TENM4: variants seen among roughly 807,000 people sequenced by gnomAD.
TENM4 encodes teneurin transmembrane protein 4.
TENM4 carries 82 observed loss-of-function variants against 243.3 expected under a neutral mutation model. The observed-to-expected ratio is 0.34, with a 90% confidence interval of 0.28 to 0.40. TENM4 has a LOEUF of 0.40. Among genes scored for constraint, TENM4 ranks in the 10% least tolerant of loss-of-function variants. TENM4 has a pLI of 1.00. For missense variants in TENM4, 3,138 were observed against 3,673.3 expected, an observed-to-expected ratio of 0.85 and a Z score of 3.77; for synonymous variants, 1,412 against 1,456.3, an observed-to-expected ratio of 0.97 and a Z score of 0.69.
intron 6 of TENM4, among the ~76,000 whole-genome samples, chr11:78,935,549 A>G (rs1856766064): frequency 6.6e-6 from 1 of 152,214 alleles, no homozygotes; most frequent in Admixed American, 6.5e-5. Flanking sequence ...TTAACTATAC[A>G]GTTCCCACAG....
intron 2 of TENM4, among the ~76,000 whole-genome samples, chr11:79,243,830 C>G (rs961782156): frequency 3.3e-5 from 5 of 152,234 alleles, no homozygotes; most frequent in African/African-American, 1.2e-4. Flanking sequence ...AACTGAGAGG[C>G]AGAGCAAGGA....
At chr11:79,423,031 C>A (rs1299588221) in intron 1 of TENM4, among the ~76,000 whole-genome samples, 1 of 152,186 alleles carries the variant, frequency 6.6e-6, no homozygotes, top group Admixed American at 6.5e-5. Context: ...GATGCCGGAC[C>A]CAATCCCAAA....
At chr11:79,175,458 G>C (rs371011508) in intron 3 of TENM4, among the ~76,000 whole-genome samples, 1 of 152,174 alleles carries the variant, frequency 6.6e-6, no homozygotes, top group Non-Finnish European at 1.5e-5. Context: ...CTAACAGCTA[G>C]AGAAATGGGA....
intron 6 of TENM4, among the ~76,000 whole-genome samples, chr11:78,933,860 C>T (rs1856724355): frequency 6.6e-6 from 1 of 152,146 alleles, no homozygotes; most frequent in Non-Finnish European, 1.5e-5. Flanking sequence ...CCTCTCTCCC[C>T]TTCTGTGCTT....
At chr11:79,052,414 A>G (rs1176671219) in intron 6 of TENM4, among the ~76,000 whole-genome samples, 8 of 152,326 alleles carry the variant, frequency 5.3e-5, no homozygotes, top group Non-Finnish European at 2.9e-5. Flanking sequence ...GGCCGCATGT[A>G]TATCTTCTTT....
At chr11:78,999,917 C>A in intron 6 of TENM4, among the ~76,000 whole-genome samples, 1 of 151,802 alleles carries the variant, frequency 6.6e-6, no homozygotes, top group Middle Eastern at 3.2e-3. Context: ...ATCCAAGAAG[C>A]AAAATGAACC....
intron 1 of TENM4, among the ~76,000 whole-genome samples, chr11:79,358,747 T>TC (rs1565313793): frequency 4.2e-3 from 1 of 236 alleles, no homozygotes. Flanking sequence ...CTTCCTTTCC[T>TC]TTCCTTTTTT....
chr11:79,392,376 C>T (rs575329424), intron 1 of TENM4, among the ~76,000 whole-genome samples: 1 of 152,130 alleles, frequency 6.6e-6, no homozygotes, highest in Non-Finnish European at 1.5e-5. Flanking sequence ...GAGATACGCA[C>T]GTTGTGAATT....
intron 6 of TENM4, among the ~76,000 whole-genome samples, chr11:79,015,209 C>T (rs150192058): frequency 0.01 from 1,554 of 152,290 alleles, 15 homozygotes; most frequent in Middle Eastern, 0.02. Flanking sequence ...GTGGGCATTG[C>T]TTTTTATCAA....
intron 1 of TENM4, among the ~76,000 whole-genome samples, chr11:79,356,666 T>C (rs186080370): frequency 2.6e-4 from 39 of 152,246 alleles, no homozygotes; most frequent in Non-Finnish European, 4.1e-4. Flanking sequence ...AAGGGCTTTG[T>C]AAAAAATGGT....
At chr11:79,072,907 T>C (rs1565192289) in intron 4 of TENM4, among the ~76,000 whole-genome samples, 1 of 152,228 alleles carries the variant, frequency 6.6e-6, no homozygotes, top group Non-Finnish European at 1.5e-5. Context: ...TTGAACAATA[T>C]AGCTAATAGA....
chr11:78,803,514 T>C (rs1420254434), intron 15 of TENM4, among the ~76,000 whole-genome samples: 1 of 152,214 alleles, frequency 6.6e-6, no homozygotes, highest in Non-Finnish European at 1.5e-5. Context: ...ACTTTCCTCA[T>C]CACATGGTTC....
At chr11:78,718,431 C>A (rs1309725165) in intron 25 of TENM4, among the ~76,000 whole-genome samples, 3 of 152,162 alleles carry the variant, frequency 2.0e-5, no homozygotes, top group African/African-American at 7.2e-5. Flanking sequence ...AAACCACAAA[C>A]TCTTTCAGTT....
chr11:78,686,033 C>T (rs1027087947), intron 29 of TENM4, among the ~76,000 whole-genome samples: 1 of 152,234 alleles, frequency 6.6e-6, no homozygotes, highest in African/African-American at 2.4e-5. Context: ...TTCTCCTGCC[C>T]TCCTCTCCAA....
chr11:79,358,209 T>G (rs1001576515), intron 1 of TENM4, among the ~76,000 whole-genome samples: 2 of 152,222 alleles, frequency 1.3e-5, no homozygotes, highest in Admixed American at 6.5e-5. Flanking sequence ...ATCCACTTAG[T>G]AAGCTGCCCC....
chr11:79,416,110 A>G (rs903893768), intron 1 of TENM4, among the ~76,000 whole-genome samples: 12 of 152,200 alleles, frequency 7.9e-5, no homozygotes, highest in African/African-American at 2.4e-4. Context: ...CATTTTATGG[A>G]TATACCACAA....
At chr11:78,685,707 G>A (rs1474495527) in intron 29 of TENM4, among the ~76,000 whole-genome samples, 1 of 152,172 alleles carries the variant, frequency 6.6e-6, no homozygotes, top group Non-Finnish European at 1.5e-5. Flanking sequence ...AGTATGGAAT[G>A]GATGGATAAT....
intron 19 of TENM4, among the ~76,000 whole-genome samples, chr11:78,749,011 C>T (rs779249759): frequency 3.9e-5 from 6 of 152,130 alleles, no homozygotes; most frequent in African/African-American, 9.7e-5. Flanking sequence ...AAGCTGTTCC[C>T]GCTGCACCAC....
chr11:79,007,514 G>T (rs996741871), intron 6 of TENM4, among the ~76,000 whole-genome samples: 5 of 152,074 alleles, frequency 3.3e-5, no homozygotes, highest in Admixed American at 3.3e-4. Flanking sequence ...CACTGCAAGC[G>T]GTATGCAGGC....
Sources: allele counts gnomAD v4.1 joint callset (sites outside exome capture counted in the v4.1 genomes callset), GRCh38; gene constraint gnomAD v4.1.1; transcripts MANE v1.5; gene names NCBI Gene and HGNC (gene_info 2026-07-23, HGNC 2026-07-21).